KCNQ1: variants seen among roughly 807,000 people sequenced by gnomAD.
The protein encoded by KCNQ1 is potassium voltage-gated channel subfamily Q member 1.
In KCNQ1, 49 loss-of-function variants were observed where a neutral mutation model predicts 72.4. The observed-to-expected ratio is 0.68, with a 90% confidence interval of 0.54 to 0.86. The LOEUF (loss-of-function observed/expected upper bound fraction) is 0.86. Ranked by LOEUF, KCNQ1 falls within the 40% of genes least tolerant of loss-of-function variation. KCNQ1 has a pLI of 0.00. For missense variants in KCNQ1, 790 were observed against 945.1 expected (o/e 0.84, Z 2.15); for synonymous variants, 450 against 412.6 (o/e 1.09, Z -1.10).
In KCNQ1 at chr11:2,678,116, T is replaced by C. The variant is rs1850325416; in HGVS notation, c.1514+16035T>C. 5.0e-6 allele frequency: 2 copies of C among 398,312 alleles called. No individual in the cohort carries two copies. The highest frequency in any genetic ancestry group is 8.9e-6 in the Non-Finnish European group (2 of 225,976). 24.7% of individuals were successfully genotyped at this position (398,312 alleles called of 1,614,324 possible). ...GTAGAAACTTGCTTTGTCATATTCA[T>C]TGAAAATATTTTATCCTCATTTTCC... On this transcript the variant is annotated intron_variant, in intron 11 of 15. Transcript: ENST00000155840. The surrounding 1 kb of genome is among the most constrained non-coding windows in gnomAD (Gnocchi z 4.9).
At position 2,745,755 on chromosome 11, in the gene KCNQ1, G is replaced by A. The variant is rs563953753; in HGVS notation, c.1515-23089G>A. ...ACGGTTCCTTGTCTGCTCACTAAGCGTGCCTTGGAGAAGGCCGCTCAGCGA... is the reference window on the plus strand; with the variant it reads ...ACGGTTCCTTGTCTGCTCACTAAGCATGCCTTGGAGAAGGCCGCTCAGCGA... On this transcript the variant is annotated intron_variant, in intron 11 of 15. Coordinates refer to ENST00000155840, the MANE Select transcript of KCNQ1 (RefSeq NM_000218.3). The surrounding 1 kb of genome is among the most constrained non-coding windows in gnomAD (Gnocchi z 6.2). Among the ~76,000 whole-genome samples the A allele has an allele frequency of 4.6e-5, 7 of 152,362 alleles. No individual in the cohort carries two copies. The South Asian group carries it at 6.2e-4, about 14-fold the overall frequency.
At chr11:2,574,550 G>T (rs530525334) in intron 6 of KCNQ1, among the ~76,000 whole-genome samples, 15 of 152,348 alleles carry the variant, frequency 9.8e-5, no homozygotes, top group East Asian at 7.7e-4. Context: ...CTTCCAGAAA[G>T]GACCGGACTT....
Position 2,617,745 on chromosome 11 carries a change from A to G in KCNQ1, c.1393+28891A>G, listed in dbSNP as rs1380787952. On this transcript the variant is annotated intron_variant, in intron 10 of 15. Coordinates refer to ENST00000155840, the MANE Select transcript of KCNQ1 (RefSeq NM_000218.3). This position sits in a 1 kb window ranked among gnomAD's most constrained non-coding sequence, Gnocchi z 4.6. ...GCTATTCTCATGAGTGTGAGGTGATATCGCATAGTAATTTTGATTTGCATT... is the reference window on the plus strand; with the variant it reads ...GCTATTCTCATGAGTGTGAGGTGATGTCGCATAGTAATTTTGATTTGCATT... The G allele has an allele frequency of 2.5e-6, 1 of 398,450 alleles. No individual in the cohort carries two copies. The highest frequency in any genetic ancestry group is 4.4e-6 in the Non-Finnish European group (1 of 226,036). The allele number at this position is 398,450 out of a possible 1,614,324, so 24.7% of individuals were successfully genotyped here.
At chr11:2,545,897 C>G (rs1490906830) in intron 2 of KCNQ1, among the ~76,000 whole-genome samples, 2 of 152,098 alleles carry the variant, frequency 1.3e-5, no homozygotes, top group African/African-American at 4.8e-5. Context: ...GTAATTTGTG[C>G]CTCTTTCTTT....
At chr11:2,476,315 A>G (rs1401250007) in intron 1 of KCNQ1, among the ~76,000 whole-genome samples, 1 of 152,244 alleles carries the variant, frequency 6.6e-6, no homozygotes, top group African/African-American at 2.4e-5. Flanking sequence ...TTAATTAATG[A>G]AAGTCTAAAG....
intron 11 of KCNQ1, among the ~76,000 whole-genome samples, chr11:2,709,978 T>G (rs1850978029): frequency 6.6e-6 from 1 of 152,222 alleles, no homozygotes; most frequent in African/African-American, 2.4e-5. Context: ...TGGACATAGA[T>G]TTTCATTTTT....
rs1026914734 is a variant in KCNQ1 at position 2,774,348 on chromosome 11, C to A, written c.1591-1612C>A. 2.6e-5 allele frequency among the ~76,000 whole-genome samples: 4 copies of A among 152,202 alleles called. No individual in the cohort carries two copies. The East Asian group carries it at 5.8e-4, about 22-fold the overall frequency. On this transcript the variant is annotated intron_variant, in intron 12 of 15. Transcript: ENST00000155840. ...CTGGGCAATGCCGGCGATCCTGGTG[C>A]CCAGTGTGGCCCCAGGAGCAGCAGG... is the stretch of plus-strand genomic sequence containing the variant.
At chr11:2,449,524 A>G (rs2133566028) in intron 1 of KCNQ1, among the ~76,000 whole-genome samples, 1 of 152,022 alleles carries the variant, frequency 6.6e-6, no homozygotes, top group South Asian at 2.1e-4. Flanking sequence ...CTGGCACGTC[A>G]GCTGCTGCTA....
At chr11:2,696,075 A>G in intron 11 of KCNQ1, 3 of 398,656 alleles carry the variant, frequency 7.5e-6, no homozygotes, top group African/African-American at 2.1e-5. Context: ...GACCCTTGCC[A>G]TGATGGATTT....
chr11:2,644,796 G>A (rs1849641407), intron 10 of KCNQ1: 4 of 398,490 alleles, frequency 1.0e-5, no homozygotes, highest in Non-Finnish European at 1.3e-5. Flanking sequence ...GATCTCCATG[G>A]AATTTTTTTC....
chr11:2,701,532 T>G (rs1400276205), intron 11 of KCNQ1, among the ~76,000 whole-genome samples: 1 of 152,226 alleles, frequency 6.6e-6, no homozygotes, highest in Non-Finnish European at 1.5e-5. Context: ...AGTGCTCAGG[T>G]GCACCCCAGA....
chr11:2,577,182 G>A (rs1197372443), intron 6 of KCNQ1, among the ~76,000 whole-genome samples: 1 of 152,230 alleles, frequency 6.6e-6, no homozygotes, highest in Admixed American at 6.5e-5. Context: ...TGTGGTTTGC[G>A]GTCCTGCTGT....
At chr11:2,665,918 C>T (rs1032063986) in intron 11 of KCNQ1, 2 of 398,568 alleles carry the variant, frequency 5.0e-6, no homozygotes, top group South Asian at 1.3e-4. Flanking sequence ...TCCAAGCAAC[C>T]CTGGGAGGCT....
chr11:2,656,747 C>T (rs1849856811), intron 10 of KCNQ1: 1 of 398,414 alleles, frequency 2.5e-6, no homozygotes, highest in African/African-American at 2.1e-5. Context: ...TCAGTCTTCT[C>T]TCTCATGGTT....
At chr11:2,814,124 T>G (rs1847554411) in intron 15 of KCNQ1, among the ~76,000 whole-genome samples, 1 of 125,106 alleles carries the variant, frequency 8.0e-6, no homozygotes, top group African/African-American at 3.6e-5. Flanking sequence ...AATAAAGGGA[T>G]GGGTGGATAA....
Position 2,507,701 on chromosome 11 carries a change from C to G in KCNQ1, c.387-20227C>G, listed in dbSNP as rs543419088. ...GGGAGCTCTGGGGAGAGAGTGCGGG[C>G]TGGGCTCACAAGTTAGGGGAGGTGT... On this transcript the variant is annotated intron_variant, in intron 1 of 15. Coordinates refer to ENST00000155840, the MANE Select transcript of KCNQ1 (RefSeq NM_000218.3). This position sits in a 1 kb window ranked among gnomAD's most constrained non-coding sequence, Gnocchi z 5.4. Among the ~76,000 whole-genome samples the G allele has an allele frequency of 1.3e-5, 2 of 152,144 alleles. No homozygotes were observed. Among genetic ancestry groups the G allele is most frequent in the East Asian group, 3.9e-4 (2 of 5,162 alleles).
intron 11 of KCNQ1, chr11:2,667,921 T>C (rs149323226): frequency 0.012 from 4,942 of 398,662 alleles, 81 homozygotes; most frequent in Middle Eastern, 0.064. Context: ...CTGGGACCCA[T>C]GTGTGCAGCA....
intron 15 of KCNQ1, among the ~76,000 whole-genome samples, chr11:2,822,807 C>T (rs1847765145): frequency 6.6e-6 from 1 of 152,162 alleles, no homozygotes; most frequent in Non-Finnish European, 1.5e-5. Context: ...ATGAACAAAT[C>T]TCACCATTGT....
chr11:2,474,243 G>A (rs1326938617), intron 1 of KCNQ1, among the ~76,000 whole-genome samples: 2 of 152,196 alleles, frequency 1.3e-5, no homozygotes, highest in Admixed American at 1.3e-4. Context: ...GAGTCTCCTG[G>A]TGGTGACCAG....
Sources: allele counts gnomAD v4.1 joint callset (sites outside exome capture counted in the v4.1 genomes callset), GRCh38; gene constraint gnomAD v4.1.1; non-coding constraint Gnocchi (gnomAD v3.1); transcripts MANE v1.5; gene names NCBI Gene and HGNC (gene_info 2026-07-23, HGNC 2026-07-21).